Variants in KLHDC4 observed in about 807,000 individuals in gnomAD.
KLHDC4 encodes kelch domain containing 4, also known as kelch domain-containing protein 4.
KLHDC4 carries 90 observed loss-of-function variants against 62.4 expected under a neutral mutation model. That is an observed-to-expected ratio of 1.44 (90% CI 1.22 to 1.72). The LOEUF (loss-of-function observed/expected upper bound fraction) is 1.72, where lower values mean the gene tolerates loss of function less well. Ranked by LOEUF, KLHDC4 falls within the 40% of genes most tolerant of loss-of-function variation. The probability of loss-of-function intolerance (pLI) is 0.00; values close to 1 mark genes in which losing one functional copy is unlikely to be tolerated. For missense variants in KLHDC4, 1,025 were observed against 699.7 expected (o/e 1.47, Z -5.25); for synonymous variants, 386 against 284.4 (o/e 1.36, Z -3.59).
intron 7 of KLHDC4, among the ~76,000 whole-genome samples, chr16:87,720,852 T>C (rs1305770512): frequency 1.3e-5 from 2 of 152,206 alleles, no homozygotes; most frequent in Non-Finnish European, 2.9e-5. Flanking sequence ...GACACTGCTG[T>C]CGCGATGGTT....
At chr16:87,763,753 T>A (rs1344285424) in intron 1 of KLHDC4, 1 of 152,234 alleles carries the variant, frequency 6.6e-6, no homozygotes, top group Non-Finnish European at 1.5e-5. Flanking sequence ...CTTAGAGCGG[T>A]CTTTGACCTT....
At chr16:87,729,493 A>G (rs150898517) in intron 6 of KLHDC4, 2 of 152,380 alleles carry the variant, frequency 1.3e-5, no homozygotes, top group Non-Finnish European at 2.9e-5. Flanking sequence ...AGAGTCTGCG[A>G]CACTTCACTC....
intron 5 of KLHDC4, 40 bp downstream of exon 5, chr16:87,748,633 G>C: frequency 2.5e-6 from 4 of 1,612,460 alleles, no homozygotes; most frequent in South Asian, 1.1e-5. Flanking sequence ...AAGCACAGAA[G>C]AGCCATGCCC....
At chr16:87,734,056 C>A (rs959111698) in intron 5 of KLHDC4, among the ~76,000 whole-genome samples, 12 of 152,334 alleles carry the variant, frequency 7.9e-5, no homozygotes, top group African/African-American at 2.9e-4. Flanking sequence ...CCCTAAAAAA[C>A]ACAAGAGGGC....
intron 7 of KLHDC4, 143 bp from the exon 8 acceptor site, chr16:87,714,716 C>CA: frequency 1.2e-6 from 1 of 832,188 alleles, no homozygotes; most frequent in East Asian, 2.5e-5. Flanking sequence ...AGCGTGCCTG[C>CA]AGTGTGCTCA....
chr16:87,759,147 G>A (rs1046783330), intron 2 of KLHDC4, among the ~76,000 whole-genome samples: 2 of 152,090 alleles, frequency 1.3e-5, no homozygotes, highest in Non-Finnish European at 2.9e-5. Flanking sequence ...ACTCCAGCCT[G>A]GGCAACAAGA....
Position 87,709,410 on chromosome 16 carries a change from G to A in KLHDC4, c.1302C>T (p.Asn434=), listed in dbSNP as rs766189994. The A allele has an allele frequency of 8.7e-6, 14 of 1,613,218 alleles. No homozygotes were observed. In the East Asian group the frequency reaches 8.9e-5, roughly 10 times the overall value. The change falls in exon 10 of 12, where the codon AAC becomes AAT. Residue 434 remains asparagine (N), a synonymous_variant. Transcript: ENST00000270583. The part of the protein sequence containing the change: ...SPAPGPCPRS[N]AMLAVKHGVL... ...CCCCATGCTTCACAGCCAGCATGGC[G>A]TTGGAGCGTGGACACGGCCCAGGTG...
At chr16:87,706,300 C>G (rs2034704107), downstream of KLHDC4, among the ~76,000 whole-genome samples, 2 of 125,198 alleles carry the variant, frequency 1.6e-5, no homozygotes, top group Admixed American at 1.7e-4. Context: ...TGAGCTGGCA[C>G]AACCCAAACA....
At chr16:87,717,690 G>T (rs529278628) in intron 7 of KLHDC4, among the ~76,000 whole-genome samples, 1 of 149,710 alleles carries the variant, frequency 6.7e-6, no homozygotes, top group South Asian at 2.1e-4. Flanking sequence ...AAACCTAAGG[G>T]CCTAGCATTA....
chr16:87,701,874 G>C (rs567767656), exon 1 of KLHDC4: 30 of 456,472 alleles, frequency 6.6e-5, no homozygotes, highest in South Asian at 3.6e-4. Context: ...AAGCCTCTTC[G>C]AGCCCAGGGA....
chr16:87,711,099 G>A (rs2142928777), intron 9 of KLHDC4, 136 bp downstream of exon 9: 2 of 768,340 alleles, frequency 2.6e-6, no homozygotes, highest in South Asian at 3.4e-5. Context: ...GTCAGAGACG[G>A]AACCCTCGCC....
At chr16:87,717,008 G>A (rs776145201) in intron 7 of KLHDC4, among the ~76,000 whole-genome samples, 1 of 152,234 alleles carries the variant, frequency 6.6e-6, no homozygotes, top group Admixed American at 6.5e-5. Flanking sequence ...AAGGTGGGCA[G>A]ACTGCTTGAG....
chr16:87,749,656 T>A (rs2043609356), intron 4 of KLHDC4, among the ~76,000 whole-genome samples: 3 of 151,936 alleles, frequency 2.0e-5, no homozygotes, highest in Non-Finnish European at 4.4e-5. Context: ...CCATCATCAC[T>A]CACTGCAGCC....
At chr16:87,702,475 A>C in exon 1 of KLHDC4, 1 of 360,570 alleles carries the variant, frequency 2.8e-6, no homozygotes, top group Non-Finnish European at 5.5e-6. Flanking sequence ...AAATGTAGCC[A>C]CATCAGAGCA....
chr16:87,698,701 A>ATCT (rs2034005794), exon 1 of KLHDC4: 1 of 152,220 alleles, frequency 6.6e-6, no homozygotes, highest in Non-Finnish European at 1.5e-5. Flanking sequence ...AGAGAATCGA[A>ATCT]TCTTTAATTG....
chr16:87,703,790 G>A (rs767339121), downstream of KLHDC4, among the ~76,000 whole-genome samples: 4 of 152,340 alleles, frequency 2.6e-5, no homozygotes, highest in East Asian at 1.9e-4. Context: ...GTCAGCTTCC[G>A]GCAGGGACTG....
intron 7 of KLHDC4, among the ~76,000 whole-genome samples, chr16:87,718,284 GCTCTCCCTCTCCCTCTCCCTCCCC>G (rs2037405973): frequency 7.8e-6 from 1 of 128,750 alleles, no homozygotes; most frequent in South Asian, 2.9e-4. Flanking sequence ...ATTCGCTCTC[GCTCTCCCTCTCCCTCTCCCTCCCC>G]CTCTCCCTCC....
chr16:87,747,979 G>A (rs1415195339), intron 5 of KLHDC4, among the ~76,000 whole-genome samples: 7 of 152,206 alleles, frequency 4.6e-5, no homozygotes, highest in Admixed American at 1.3e-4. Flanking sequence ...GGTCATGGCC[G>A]CAGCAATCGA....
intron 5 of KLHDC4, among the ~76,000 whole-genome samples, chr16:87,732,095 TTC>T (rs1445504391): frequency 7.8e-6 from 1 of 128,806 alleles, no homozygotes; most frequent in Non-Finnish European, 1.8e-5. Context: ...GTGTGCATAT[TTC>T]TTTTTTTTTT....
Sources: gnomAD v4.1 joint callset for allele counts (sites outside exome capture counted in the v4.1 genomes callset) on GRCh38, gnomAD v4.1.1 for gene constraint, MANE v1.5 for transcripts, NCBI Gene and HGNC (gene_info 2026-07-23, HGNC 2026-07-21) for gene names.